STK3: variants seen among roughly 807,000 people sequenced by gnomAD.
The protein encoded by STK3 is serine/threonine kinase 3.
In STK3, 41 loss-of-function variants were observed where a neutral mutation model predicts 58.0. That is an observed-to-expected ratio of 0.71 (90% CI 0.55 to 0.92). The LOEUF is 0.92. STK3 is among the 40% of genes least tolerant of loss of function. The pLI, the probability that STK3 is intolerant of heterozygous loss-of-function variation, is 0.00. For missense variants in STK3, 479 were observed against 602.7 expected, an observed-to-expected ratio of 0.79 and a Z score of 2.15; for synonymous variants, 170 against 191.0, an observed-to-expected ratio of 0.89 and a Z score of 0.91.
chr8:98,589,163 G>C (rs1252807357), intron 7 of STK3, among the ~76,000 whole-genome samples: 7 of 151,932 alleles, frequency 4.6e-5, no homozygotes, highest in East Asian at 1.9e-4. Flanking sequence ...CTTTGGAGGA[G>C]GAGAGGCACT....
At chr8:98,862,974 C>G (rs931122623) in intron 3 of STK3, among the ~76,000 whole-genome samples, 1 of 152,196 alleles carries the variant, frequency 6.6e-6, no homozygotes, top group Non-Finnish European at 1.5e-5. Context: ...CCCAAACATA[C>G]CAGACTCCTT....
chr8:98,803,593 C>CAAAAA (rs34316563), intron 1 of STK3, among the ~76,000 whole-genome samples: 1,406 of 36,274 alleles, frequency 0.039, 42 homozygotes, highest in Non-Finnish European at 0.055. Flanking sequence ...GACTCTGTTT[C>CAAAAA]AAAAAAAAAA....
At chr8:98,728,208 T>C (rs888325815) in intron 4 of STK3, among the ~76,000 whole-genome samples, 5 of 152,102 alleles carry the variant, frequency 3.3e-5, no homozygotes, top group East Asian at 1.9e-4. Flanking sequence ...TCTATTTCAT[T>C]CCACCCCCCT....
At chr8:98,556,496 A>G (rs751375282) in intron 8 of STK3, among the ~76,000 whole-genome samples, 3 of 152,120 alleles carry the variant, frequency 2.0e-5, no homozygotes, top group Non-Finnish European at 4.4e-5. Context: ...TTGGGGTAAA[A>G]TTAGGGAAGA....
intron 6 of STK3, chr8:98,606,258 G>A (rs542107379): frequency 6.6e-6 from 1 of 152,300 alleles, no homozygotes; most frequent in East Asian, 1.9e-4. Context: ...TAAGATGGGT[G>A]GTTGAACATT....
At chr8:98,663,988 G>A (rs1822156023) in intron 6 of STK3, among the ~76,000 whole-genome samples, 1 of 152,092 alleles carries the variant, frequency 6.6e-6, no homozygotes, top group African/African-American at 2.4e-5. Context: ...TTTGCCTCAT[G>A]CACAATAAAA....
Position 98,654,492 on chromosome 8 carries a change from G to A in STK3, c.684+51975C>T, listed in dbSNP as rs1277626828. On this transcript the variant is annotated intron_variant, in intron 6 of 10. Transcript: ENST00000419617. ...TTGGAAGTTCTGGCCAGGGCAATTA[G>A]GCAGGAGAAGGAAATCAAGGGTATT... Among the ~76,000 whole-genome samples the A allele has an allele frequency of 2.6e-5, 4 of 152,230 alleles. No individual in the cohort carries two copies. The East Asian group carries it at 7.7e-4, about 29-fold the overall frequency.
At chr8:98,598,774 A>C (rs1481765336) in intron 6 of STK3, 2 of 985,306 alleles carry the variant, frequency 2.0e-6, no homozygotes, top group Non-Finnish European at 2.4e-6. Context: ...GAATGTTAGT[A>C]AAATAAATGA....
intron 3 of STK3, among the ~76,000 whole-genome samples, chr8:98,831,947 C>T (rs1453327985): frequency 6.6e-6 from 1 of 152,184 alleles, no homozygotes; most frequent in East Asian, 1.9e-4. Flanking sequence ...CTATTAGCTA[C>T]AAGTAACAAC....
chr8:98,463,032 G>C (rs1051614988), intron 10 of STK3: 1 of 152,142 alleles, frequency 6.6e-6, no homozygotes, highest in Non-Finnish European at 1.5e-5. Context: ...TTTAGTATAT[G>C]TGCTGCTGAA....
intron 8 of STK3, among the ~76,000 whole-genome samples, chr8:98,570,765 C>CAA (rs1812898360): frequency 6.6e-6 from 1 of 152,104 alleles, no homozygotes; most frequent in South Asian, 2.1e-4. Context: ...ATACTATGTG[C>CAA]AAAACATTGT....
chr8:98,633,442 GCA>G, intron 6 of STK3: 1 of 510,128 alleles, frequency 2.0e-6, no homozygotes, highest in Non-Finnish European at 3.6e-6. Context: ...GATTGAGACT[GCA>G]GATTATTAAA....
At position 98,611,353 on chromosome 8, in the gene STK3, A is replaced by T. The variant is rs924230063; in HGVS notation, c.685-15184T>A. ...GAAAAGTTTATAATTAAAAAAAGAC[A>T]CACAGACATATATACATACATCAAA... On this transcript the variant is annotated intron_variant, in intron 6 of 10. Transcript: ENST00000419617. 2.6e-5 allele frequency among the ~76,000 whole-genome samples: 4 copies of T among 152,176 alleles called. No homozygotes were observed. The East Asian group carries it at 5.8e-4, about 22-fold the overall frequency.
At chr8:98,806,870 G>T (rs1239827475) in intron 1 of STK3, among the ~76,000 whole-genome samples, 1 of 152,084 alleles carries the variant, frequency 6.6e-6, no homozygotes, top group East Asian at 1.9e-4. Context: ...GTAAGATTAG[G>T]TGGGCTGAGC....
chr8:98,791,030 G>C (rs1023115071), intron 1 of STK3, among the ~76,000 whole-genome samples: 2 of 151,262 alleles, frequency 1.3e-5, no homozygotes, highest in Admixed American at 6.6e-5. Context: ...AAGTCAAGCT[G>C]TTGCTGTTTG....
chr8:98,841,553 T>C (rs1835982721), intron 3 of STK3, among the ~76,000 whole-genome samples: 1 of 151,630 alleles, frequency 6.6e-6, no homozygotes, highest in African/African-American at 2.4e-5. Flanking sequence ...GGGTCTAGCA[T>C]GGTGGCTCAT....
intron 3 of STK3, among the ~76,000 whole-genome samples, chr8:98,753,564 C>T (rs557316175): frequency 6.6e-6 from 1 of 152,014 alleles, no homozygotes; most frequent in Non-Finnish European, 1.5e-5. Flanking sequence ...GCACAACAAA[C>T]CCCCATGACA....
At chr8:98,471,803 C>G (rs1231012304) in intron 10 of STK3, among the ~76,000 whole-genome samples, 3 of 152,136 alleles carry the variant, frequency 2.0e-5, no homozygotes, top group African/African-American at 7.2e-5. Flanking sequence ...AGGTGTAAAT[C>G]TGTCAACCAA....
At chr8:98,613,864 T>C (rs1337329314) in intron 6 of STK3, among the ~76,000 whole-genome samples, 1 of 151,744 alleles carries the variant, frequency 6.6e-6, no homozygotes, top group Non-Finnish European at 1.5e-5. Flanking sequence ...AAATATAACA[T>C]GCAAACAATA....
Sources: allele counts gnomAD v4.1 joint callset (sites outside exome capture counted in the v4.1 genomes callset), GRCh38; gene constraint gnomAD v4.1.1; transcripts MANE v1.5; gene names NCBI Gene and HGNC (gene_info 2026-07-23, HGNC 2026-07-21).